DPP10: variants seen among roughly 807,000 people sequenced by gnomAD.
DPP10 encodes inactive dipeptidyl peptidase 10.
In DPP10, 33 loss-of-function variants were observed where a neutral mutation model predicts 120.9. The observed-to-expected ratio is 0.27, with a 90% CI of 0.21 to 0.37. The LOEUF (loss-of-function observed/expected upper bound fraction) is 0.37, where lower values mean the gene tolerates loss of function less well. Ranked by LOEUF, DPP10 falls within the 10% of genes least tolerant of loss-of-function variation. The pLI, the probability that DPP10 is intolerant of heterozygous loss-of-function variation, is 1.00. For synonymous variants in DPP10, 337 were observed against 326.1 expected (o/e 1.03, Z -0.36); for missense variants, 816 against 942.8 (o/e 0.87, Z 1.76).
chr2:115,043,361 A>T (rs535484483), intron 1 of DPP10, among the ~76,000 whole-genome samples: 1 of 152,338 alleles, frequency 6.6e-6, no homozygotes, highest in Admixed American at 6.5e-5. Flanking sequence ...ACATACTACG[A>T]TCTCAAAATT....
intron 7 of DPP10, among the ~76,000 whole-genome samples, chr2:115,702,987 A>G (rs2149538832): frequency 6.6e-6 from 1 of 152,172 alleles, no homozygotes; most frequent in African/African-American, 2.4e-5. Context: ...TATAAAGGTC[A>G]GAATTACTCA....
chr2:115,010,237 T>C (rs989035), intron 1 of DPP10, among the ~76,000 whole-genome samples: 148,597 of 152,238 alleles, frequency 0.98, 72,631 homozygotes, highest in Middle Eastern at 1. Flanking sequence ...TTATTCCTGC[T>C]GGTGGATAAT....
chr2:114,669,554 G>A (rs72955616), intron 1 of DPP10, among the ~76,000 whole-genome samples: 1,686 of 152,032 alleles, frequency 0.011, 33 homozygotes, highest in African/African-American at 0.039. Context: ...TGAATTGATG[G>A]CACCCTAATA....
chr2:114,963,223 G>A lies in DPP10; in HGVS notation c.61-346016G>A, dbSNP rs138419245. 1.6e-3 allele frequency among the ~76,000 whole-genome samples: 242 copies of A among 152,254 alleles called. 2 individuals carry two copies. The highest frequency in any genetic ancestry group is 5.4e-3 in the African/African-American group (225 of 41,546). On this transcript the variant is annotated intron_variant, in intron 1 of 25. Transcript: ENST00000410059. ...CATATTGCTGTATGTGAAAGCTGAC[G>A]TTTCACCAGAGCCACAGGGACGTTA...
chr2:115,045,925 T>C (rs1457361524), intron 1 of DPP10, among the ~76,000 whole-genome samples: 1 of 152,174 alleles, frequency 6.6e-6, no homozygotes, highest in Admixed American at 6.5e-5. Flanking sequence ...TTGATTCCTT[T>C]TACTAATCTT....
At chr2:114,809,445 A>G (rs1685000137) in intron 1 of DPP10, among the ~76,000 whole-genome samples, 1 of 152,288 alleles carries the variant, frequency 6.6e-6, no homozygotes, top group Admixed American at 6.5e-5. Context: ...TAACTCTCAT[A>G]TTTTTGAAGC....
chr2:114,477,983 G>T (rs528859628), intron 1 of DPP10, among the ~76,000 whole-genome samples: 28 of 150,882 alleles, frequency 1.9e-4, no homozygotes, highest in African/African-American at 5.4e-4. Context: ...GTGTATATAT[G>T]TACATATATG....
chr2:115,423,247 T>C (rs1222059969), intron 3 of DPP10, among the ~76,000 whole-genome samples: 1 of 152,040 alleles, frequency 6.6e-6, no homozygotes, highest in Non-Finnish European at 1.5e-5. Context: ...TTAAAAGAGG[T>C]TTATAATCTT....
intron 1 of DPP10, among the ~76,000 whole-genome samples, chr2:114,656,100 T>C (rs1291214358): frequency 1.3e-5 from 2 of 152,198 alleles, no homozygotes; most frequent in Non-Finnish European, 2.9e-5. Context: ...TATTTGTGTC[T>C]TTGAAATTCC....
At chr2:114,942,298 C>CATATAT (rs752991108) in intron 1 of DPP10, among the ~76,000 whole-genome samples, 109 of 104,684 alleles carry the variant, frequency 1.0e-3, no homozygotes, top group African/African-American at 3.9e-3. Context: ...TATATATATA[C>CATATAT]ATATATATAT....
At chr2:115,736,087 G>A (rs1308883483) in intron 8 of DPP10, among the ~76,000 whole-genome samples, 1 of 152,034 alleles carries the variant, frequency 6.6e-6, no homozygotes, top group African/African-American at 2.4e-5. Flanking sequence ...TTCCAATTCA[G>A]AGGAATAGAA....
intron 8 of DPP10, 54 bp from the exon 9 acceptor site, chr2:115,739,685 G>A: frequency 6.4e-7 from 1 of 1,571,804 alleles, no homozygotes; most frequent in East Asian, 2.2e-5. Context: ...ATGTTTGTGG[G>A]TCACTGAGCC....
At chr2:115,826,163 A>G (rs1305753205) in intron 21 of DPP10, among the ~76,000 whole-genome samples, 3 of 152,166 alleles carry the variant, frequency 2.0e-5, no homozygotes, top group Non-Finnish European at 4.4e-5. Flanking sequence ...GTAACAACTC[A>G]GTTTGGGTTT....
intron 1 of DPP10, among the ~76,000 whole-genome samples, chr2:114,454,636 C>T (rs1678465296): frequency 6.6e-6 from 1 of 152,208 alleles, no homozygotes; most frequent in South Asian, 2.1e-4. Flanking sequence ...TCCTTATTAT[C>T]TGGCTGGTAG....
At chr2:115,297,508 A>C (rs1162051471) in intron 1 of DPP10, among the ~76,000 whole-genome samples, 1 of 152,050 alleles carries the variant, frequency 6.6e-6, no homozygotes, top group Non-Finnish European at 1.5e-5. Flanking sequence ...TAAAGAATAA[A>C]TATTATACTA....
At chr2:115,231,716 T>C (rs2057743710) in intron 1 of DPP10, among the ~76,000 whole-genome samples, 1 of 152,196 alleles carries the variant, frequency 6.6e-6, no homozygotes, top group Non-Finnish European at 1.5e-5. Context: ...AGTATTTTAA[T>C]CAAGAAGTAG....
chr2:115,593,231 A>C (rs1294255416), intron 5 of DPP10, among the ~76,000 whole-genome samples: 1 of 152,192 alleles, frequency 6.6e-6, no homozygotes, highest in Non-Finnish European at 1.5e-5. Flanking sequence ...TGATGCAGGC[A>C]ACCAGCTCTC....
At chr2:114,689,408 G>C (rs1020724234) in intron 1 of DPP10, among the ~76,000 whole-genome samples, 1 of 151,894 alleles carries the variant, frequency 6.6e-6, no homozygotes, top group Non-Finnish European at 1.5e-5. Flanking sequence ...CAAAGGACAT[G>C]ATCTCATTCA....
rs1229006424 is a variant in DPP10 at position 115,766,116 on chromosome 2, A to G, written c.1114-2181A>G. Among the ~76,000 whole-genome samples, 7 of 151,802 alleles carry G rather than the reference A, an allele frequency of 4.6e-5. No individual in the cohort carries two copies. In the East Asian group the frequency reaches 1.2e-3, roughly 25 times the overall value. On this transcript the variant is annotated intron_variant, in intron 12 of 25. Coordinates refer to ENST00000410059, the MANE Select transcript of DPP10 (RefSeq NM_020868.6). ...GTGAAAAATACAAGTTTCCTGCCCT[A>G]TGGGGCTTACATTACAGAGAACTAC... is the stretch of plus-strand genomic sequence containing the variant.
Sources: gnomAD v4.1 joint callset for allele counts (sites outside exome capture counted in the v4.1 genomes callset) on GRCh38, gnomAD v4.1.1 for gene constraint, MANE v1.5 for transcripts, NCBI Gene and HGNC (gene_info 2026-07-23, HGNC 2026-07-21) for gene names.